NPAS2: variants seen among roughly 807,000 people sequenced by gnomAD.
NPAS2 encodes the protein neuronal PAS domain protein 2.
A neutral mutation model predicts 107.5 loss-of-function variants in NPAS2; 23 were observed. The ratio of observed to expected loss-of-function variants is 0.21; its 90% CI spans 0.15 to 0.30. The LOEUF (loss-of-function observed/expected upper bound fraction) is 0.30. Among genes scored for constraint, NPAS2 ranks in the 10% least tolerant of loss-of-function variants. The pLI is 1.00. For synonymous variants in NPAS2, 403 were observed against 417.5 expected, an observed-to-expected ratio of 0.97 and a Z score of 0.42; for missense variants, 756 against 1,043.3, an observed-to-expected ratio of 0.72 and a Z score of 3.79.
At chr2:100,912,699 C>T (rs1358337980) in intron 2 of NPAS2, among the ~76,000 whole-genome samples, 1 of 152,232 alleles carries the variant, frequency 6.6e-6, no homozygotes, top group East Asian at 1.9e-4. Flanking sequence ...GGCTTCCTCA[C>T]AACACGTGGT....
intron 4 of NPAS2, chr2:100,934,229 G>A (rs879582844): frequency 6.6e-6 from 1 of 151,802 alleles, no homozygotes; most frequent in Non-Finnish European, 1.5e-5. Context: ...TACATAAATC[G>A]ATTTATCTTT....
chr2:100,882,743 G>A (rs1387941651), intron 1 of NPAS2, among the ~76,000 whole-genome samples: 1 of 152,228 alleles, frequency 6.6e-6, no homozygotes, highest in African/African-American at 2.4e-5. Context: ...GGTATGGTCA[G>A]CGACCTCTGC....
chr2:100,965,632 A>C lies in NPAS2; in HGVS notation c.801-28A>C. On this transcript the variant is annotated intron_variant, in intron 9 of 20. Transcript: ENST00000335681. The surrounding 1 kb of genome is among the most constrained non-coding windows in gnomAD (Gnocchi z 4.3). The stretch of plus-strand genomic sequence containing the variant: ...AGCCCTGCAGGGTGTCTCCTCCCTG[A>C]TGACAAGTCCTCCTTGTCCTTGTGC... 6.6e-7 allele frequency: 1 copy of C among 1,521,866 alleles called. No individual in the cohort carries two copies. Among genetic ancestry groups the C allele is most frequent in the Non-Finnish European group, 9.1e-7 (1 of 1,097,582 alleles). 94.3% of individuals were successfully genotyped at this position (1,521,866 alleles called of 1,614,324 possible). A position where few individuals can be genotyped will look rare whatever the true frequency, so the allele number is the denominator to read the frequency against.
At chr2:100,926,099 G>A (rs1683543531) in intron 3 of NPAS2, among the ~76,000 whole-genome samples, 1 of 152,096 alleles carries the variant, frequency 6.6e-6, no homozygotes, top group Non-Finnish European at 1.5e-5. Flanking sequence ...GCATGTGTGA[G>A]TACTTCATTC....
At chr2:100,898,835 T>C (rs1202374439) in intron 1 of NPAS2, among the ~76,000 whole-genome samples, 3 of 151,518 alleles carry the variant, frequency 2.0e-5, no homozygotes, top group African/African-American at 7.3e-5. Context: ...ACATTGTGCA[T>C]ATTACATGTA....
At chr2:100,952,945 A>T (rs900171499) in intron 7 of NPAS2, among the ~76,000 whole-genome samples, 6 of 151,670 alleles carry the variant, frequency 4.0e-5, no homozygotes. Context: ...GTCTTTTCAG[A>T]GTCTGTTCTA....
At chr2:100,993,614 C>T in intron 20 of NPAS2, 87 bp downstream of exon 20, 1 of 1,100,660 alleles carries the variant, frequency 9.1e-7, no homozygotes, top group Non-Finnish European at 1.3e-6. Context: ...ATTTTATTCC[C>T]TTGCTTTCAA....
intron 2 of NPAS2, among the ~76,000 whole-genome samples, chr2:100,907,523 C>CACACACACACACA: frequency 6.8e-6 from 1 of 146,446 alleles, no homozygotes; most frequent in South Asian, 2.1e-4. Context: ...CACACACACA[C>CACACACACACACA]CCCTAAGATC....
At chr2:100,937,690 T>C in intron 4 of NPAS2, 63 bp from the exon 5 acceptor site, 1 of 1,130,900 alleles carries the variant, frequency 8.8e-7, no homozygotes, top group South Asian at 1.2e-5. Context: ...GTCCTCTGCA[T>C]CAGTGACATG....
chr2:100,930,420 AGTTGAGCACTCT>A (rs1378545739), intron 3 of NPAS2, among the ~76,000 whole-genome samples: 1 of 152,170 alleles, frequency 6.6e-6, no homozygotes, highest in Non-Finnish European at 1.5e-5. Flanking sequence ...AGCAGTCGGG[AGTTGAGCACTCT>A]AGGAAATGGG....
At chr2:100,913,311 A>G (rs1479091246) in intron 2 of NPAS2, among the ~76,000 whole-genome samples, 1 of 152,126 alleles carries the variant, frequency 6.6e-6, no homozygotes, top group Non-Finnish European at 1.5e-5. Flanking sequence ...ATAGCTTTCC[A>G]ACTTGATTGG....
intron 16 of NPAS2, chr2:100,985,837 C>T (rs1405955355): frequency 6.6e-6 from 1 of 152,054 alleles, no homozygotes; most frequent in Non-Finnish European, 1.5e-5. Context: ...TGCCGAAGGC[C>T]ATACTGCTAG....
chr2:100,861,310 C>T (rs918839027), intron 1 of NPAS2, among the ~76,000 whole-genome samples: 9 of 152,128 alleles, frequency 5.9e-5, no homozygotes, highest in Admixed American at 5.9e-4. Context: ...CCGGGGAGAA[C>T]ACTTGGAAAA....
chr2:100,960,857 A>G (rs1675876752), intron 7 of NPAS2, among the ~76,000 whole-genome samples: 1 of 152,186 alleles, frequency 6.6e-6, no homozygotes, highest in Admixed American at 6.5e-5. Flanking sequence ...TGGGAGAGTC[A>G]TCTGATAAAC....
intron 1 of NPAS2, among the ~76,000 whole-genome samples, chr2:100,875,410 T>C (rs1373816441): frequency 2.0e-5 from 3 of 152,184 alleles, no homozygotes; most frequent in South Asian, 2.1e-4. Flanking sequence ...TTTTTAATTA[T>C]ATGTATTTTA....
At chr2:100,990,165 A>T in intron 17 of NPAS2, 91 bp from the exon 18 acceptor site, 1 of 1,088,534 alleles carries the variant, frequency 9.2e-7, no homozygotes, top group Non-Finnish European at 1.4e-6. Flanking sequence ...AGGCAAGGGT[A>T]GGTAGAAGGA....
intron 1 of NPAS2, among the ~76,000 whole-genome samples, chr2:100,842,718 G>A (rs905219301): frequency 2.6e-5 from 4 of 152,170 alleles, no homozygotes; most frequent in Admixed American, 2.6e-4. Flanking sequence ...TTGAGGAACT[G>A]GACGACAGGT....
In NPAS2 at chr2:100,904,791, G is replaced by C. The variant is rs767524950; in HGVS notation, c.32+5G>C. On this transcript the variant is annotated splice_donor_5th_base_variant and intron_variant, in intron 2 of 20. Coordinates refer to ENST00000335681, the MANE Select transcript of NPAS2 (RefSeq NM_002518.4). ...TGAGAAAGACAGAGCCAAGAGGTAA[G>C]ATGCAGCTGTCCCCCTGCTCAGCAG... 1 of 1,603,010 alleles carries C rather than the reference G, an allele frequency of 6.2e-7. No homozygotes were observed. The highest frequency in any genetic ancestry group is 8.5e-7 in the Non-Finnish European group (1 of 1,172,766).
rs72973661 is a variant in NPAS2 at position 100,939,462 on chromosome 2, A to T, written c.363+1620A>T. On this transcript the variant is annotated intron_variant, in intron 5 of 20. Coordinates refer to ENST00000335681, the MANE Select transcript of NPAS2 (RefSeq NM_002518.4). ...AAGCTGAGGGTGCAGCTGCACCTTGATTTTCATCTCTGGCCAGGAAGCTAG... is the reference window on the plus strand; with the variant it reads ...AAGCTGAGGGTGCAGCTGCACCTTGTTTTTCATCTCTGGCCAGGAAGCTAG... Among the ~76,000 whole-genome samples, 4 of 152,022 alleles carry T rather than the reference A, an allele frequency of 2.6e-5. No homozygotes were observed. In the East Asian group the frequency reaches 7.8e-4, roughly 30 times the overall value.
Sources: allele counts gnomAD v4.1 joint callset (sites outside exome capture counted in the v4.1 genomes callset), GRCh38; gene constraint gnomAD v4.1.1; non-coding constraint Gnocchi (gnomAD v3.1); transcripts MANE v1.5; gene names NCBI Gene and HGNC (gene_info 2026-07-23, HGNC 2026-07-21).